HS6ST2: variants seen among roughly 807,000 people sequenced by gnomAD.
HS6ST2 encodes heparan-sulfate 6-O-sulfotransferase 2.
HS6ST2 carries 17 observed loss-of-function variants against 33.0 expected under a neutral mutation model. The observed-to-expected ratio is 0.52, with a 90% CI of 0.35 to 0.77. HS6ST2 has a LOEUF of 0.77. Among genes scored for constraint, HS6ST2 ranks in the 30% least tolerant of loss-of-function variants. The pLI, the probability that HS6ST2 is intolerant of heterozygous loss-of-function variation, is 0.01. For missense variants in HS6ST2, 519 were observed against 551.7 expected (o/e 0.94, Z 0.59); for synonymous variants, 248 against 237.1 (o/e 1.05, Z -0.42).
At chrX:132,645,838 C>T (rs2063636814) in intron 4 of HS6ST2, among the ~76,000 whole-genome samples, 1 of 111,698 alleles carries the variant, frequency 9.0e-6, no homozygotes, top group Non-Finnish European at 1.9e-5. Context: ...GGAATAGCAC[C>T]CTCTTTCTCT....
intron 2 of HS6ST2, among the ~76,000 whole-genome samples, chrX:132,935,986 G>T (rs1009555998): frequency 4.9e-5 from 5 of 102,882 alleles, no homozygotes; most frequent in Admixed American, 1.1e-4. Flanking sequence ...CAGAAGAAAA[G>T]AAATATTATA....
intron 2 of HS6ST2, among the ~76,000 whole-genome samples, chrX:132,741,350 A>G (rs1368852143): frequency 1.9e-5 from 2 of 104,405 alleles, no homozygotes; most frequent in Non-Finnish European, 3.9e-5. Flanking sequence ...CCCAAGCTGG[A>G]GTACAGTGGT....
chrX:132,874,553 C>T (rs1204841028), intron 2 of HS6ST2, among the ~76,000 whole-genome samples: 1 of 111,281 alleles, frequency 9.0e-6, no homozygotes, highest in Non-Finnish European at 1.9e-5. Flanking sequence ...TCCAGCCTGG[C>T]AAAAGAGCAA....
intron 2 of HS6ST2, among the ~76,000 whole-genome samples, chrX:132,771,534 C>T (rs1447542560): frequency 3.6e-5 from 4 of 111,500 alleles, no homozygotes; most frequent in Admixed American, 1.9e-4. Flanking sequence ...TGAAACCCCC[C>T]TTTGTGTTCG....
At chrX:132,866,445 T>C (rs1776159047) in intron 2 of HS6ST2, among the ~76,000 whole-genome samples, 2 of 88,193 alleles carry the variant, frequency 2.3e-5, no homozygotes, top group Non-Finnish European at 4.4e-5. Context: ...TGGCTTAGGA[T>C]TGACTTGGCG....
At chrX:132,643,205 T>C (rs1032910507) in intron 4 of HS6ST2, among the ~76,000 whole-genome samples, 1 of 112,084 alleles carries the variant, frequency 8.9e-6, no homozygotes, top group African/African-American at 3.2e-5. Context: ...GAATCTTTTT[T>C]TTTTTAAAGG....
intron 2 of HS6ST2, among the ~76,000 whole-genome samples, chrX:132,787,935 TTATC>T (rs1393741794): frequency 9.0e-6 from 1 of 111,147 alleles, no homozygotes; most frequent in Non-Finnish European, 1.9e-5. Flanking sequence ...TGACATGTGT[TTATC>T]TATCCATCAT....
intron 4 of HS6ST2, among the ~76,000 whole-genome samples, chrX:132,647,600 G>A (rs1423846738): frequency 8.9e-6 from 1 of 112,165 alleles, no homozygotes. Context: ...TGTGTCTTTG[G>A]CATCCATCTC....
At position 132,910,639 on chromosome X, in the gene HS6ST2, C is replaced by T. The variant is rs979668784; in HGVS notation, c.947+46169G>A. Among the ~76,000 whole-genome samples, 6 of 111,773 alleles carry T rather than the reference C, an allele frequency of 5.4e-5. No individual in the cohort carries two copies. In the East Asian group the frequency reaches 1.7e-3, roughly 31 times the overall value. ...AGAATGGTAGGCATTTTATGCCTAT[C>T]AGACATAAAGCAGGAAAGTAAAACT... On this transcript the variant is annotated intron_variant, in intron 2 of 4. Transcript: ENST00000370833.
chrX:132,765,704 G>C (rs966650432), intron 2 of HS6ST2, among the ~76,000 whole-genome samples: 2 of 111,439 alleles, frequency 1.8e-5, no homozygotes, highest in Non-Finnish European at 3.8e-5. Flanking sequence ...TCCCGCCTTG[G>C]CCTCCCAAAG....
chrX:132,704,553 G>A (rs761831091), intron 3 of HS6ST2, among the ~76,000 whole-genome samples: 17 of 110,128 alleles, frequency 1.5e-4, no homozygotes, highest in East Asian at 2.8e-4. Flanking sequence ...AAAAAAACTC[G>A]TCTCAAAAAA....
intron 2 of HS6ST2, among the ~76,000 whole-genome samples, chrX:132,877,507 T>C (rs771248591): frequency 9.0e-6 from 1 of 111,496 alleles, no homozygotes; most frequent in Non-Finnish European, 1.9e-5. Context: ...TACTAATCTG[T>C]AGCAAGTCTG....
intron 4 of HS6ST2, among the ~76,000 whole-genome samples, chrX:132,634,154 C>T (rs1356010858): frequency 8.9e-6 from 1 of 112,181 alleles, no homozygotes; most frequent in Non-Finnish European, 1.9e-5. Context: ...ATTATATCCC[C>T]CAATATCTTC....
At chrX:132,705,909 C>T (rs1204320832) in intron 3 of HS6ST2, among the ~76,000 whole-genome samples, 1 of 112,106 alleles carries the variant, frequency 8.9e-6, no homozygotes, top group Non-Finnish European at 1.9e-5. Context: ...TCCTTTCACA[C>T]ATATACCATC....
intron 2 of HS6ST2, among the ~76,000 whole-genome samples, chrX:132,772,315 C>T (rs1712846136): frequency 9.1e-6 from 1 of 110,265 alleles, no homozygotes; most frequent in Admixed American, 9.9e-5. Flanking sequence ...TTCTTGTGAC[C>T]ACCACACTCT....
At chrX:132,787,167 G>GTGTGTATA (rs1405731624) in intron 2 of HS6ST2, among the ~76,000 whole-genome samples, 1 of 51,391 alleles carries the variant, frequency 1.9e-5, no homozygotes, top group African/African-American at 9.9e-5. Context: ...ATATATATAT[G>GTGTGTATA]TATATATATA....
chrX:132,858,802 C>T (rs1275350017), intron 2 of HS6ST2, among the ~76,000 whole-genome samples: 2 of 112,158 alleles, frequency 1.8e-5, no homozygotes, highest in Admixed American at 1.9e-4. Context: ...GACAATATCC[C>T]CTCCTGGGAT....
intron 2 of HS6ST2, among the ~76,000 whole-genome samples, chrX:132,952,295 A>G (rs777136374): frequency 1.8e-5 from 2 of 111,778 alleles, no homozygotes; most frequent in East Asian, 2.8e-4. Flanking sequence ...CCCCTCTTCT[A>G]TGAAATAGCT....
At chrX:132,643,960 T>C (rs2063621555) in intron 4 of HS6ST2, among the ~76,000 whole-genome samples, 1 of 111,878 alleles carries the variant, frequency 8.9e-6, no homozygotes, top group Non-Finnish European at 1.9e-5. Flanking sequence ...TACAGAGCTT[T>C]CCCTCCTGGC....
Sources: gnomAD v4.1 joint callset for allele counts (sites outside exome capture counted in the v4.1 genomes callset) on GRCh38, gnomAD v4.1.1 for gene constraint, MANE v1.5 for transcripts, NCBI Gene and HGNC (gene_info 2026-07-23, HGNC 2026-07-21) for gene names.